Variants in FAM83G observed in about 807,000 individuals in gnomAD.
The protein encoded by FAM83G is protein FAM83G.
FAM83G carries 38 observed loss-of-function variants against 61.5 expected under a neutral mutation model. The observed-to-expected ratio is 0.62, with a 90% confidence interval of 0.48 to 0.81. FAM83G has a LOEUF of 0.81. Among genes scored for constraint, FAM83G ranks in the 30% least tolerant of loss-of-function variants. The pLI, the probability that FAM83G is intolerant of heterozygous loss-of-function variation, is 0.00. For synonymous variants in FAM83G, 470 were observed against 476.1 expected (o/e 0.99, Z 0.17); for missense variants, 989 against 1,133.6 (o/e 0.87, Z 1.83).
intron 3 of FAM83G, chr17:18,986,067 C>T (rs1161383621): frequency 6.6e-6 from 1 of 152,314 alleles, no homozygotes; most frequent in African/African-American, 2.4e-5. Context: ...GAGGTGGAAC[C>T]ACACACCCAG....
At chr17:18,976,888 T>A (rs531697809) in intron 5 of FAM83G, 1 of 1,613,646 alleles carries the variant, frequency 6.2e-7, no homozygotes, top group Non-Finnish European at 8.5e-7. Flanking sequence ...GCCCGGGACC[T>A]GAACCATGCC....
intron 2 of FAM83G, among the ~76,000 whole-genome samples, chr17:18,990,012 T>TTC (rs950759748): frequency 6.6e-6 from 1 of 152,108 alleles, no homozygotes; most frequent in Admixed American, 6.5e-5. Context: ...AGGCCTAGGG[T>TTC]TCTCTCTGTT....
At chr17:19,002,113 C>T (rs910637782) in intron 2 of FAM83G, among the ~76,000 whole-genome samples, 1 of 148,694 alleles carries the variant, frequency 6.7e-6, no homozygotes, top group Non-Finnish European at 1.5e-5. Flanking sequence ...GTCCCTTCCT[C>T]CTCCCCCTCC....
At position 19,003,497 on chromosome 17, in the gene FAM83G, C is replaced by A. The variant is rs1362571756; in HGVS notation, c.522+23G>T. On this transcript the variant is annotated intron_variant, in intron 2 of 5. Coordinates refer to ENST00000388995, the MANE Select transcript of FAM83G (RefSeq NM_001039999.3). The surrounding 1 kb of genome is among the most constrained non-coding windows in gnomAD (Gnocchi z 4.5). ...CCGGTGGCTGGTTGGGCCATGGCTC[C>A]AGGAGTCCCCGCGCTGCCTCACCTT... is the stretch of plus-strand genomic sequence containing the variant. 6.6e-7 allele frequency: 1 copy of A among 1,514,990 alleles called. No individual in the cohort carries two copies. The allele number at this position is 1,514,990 out of a possible 1,614,324, so 93.8% of individuals were successfully genotyped here. A position where few individuals can be genotyped will look rare whatever the true frequency, so the allele number is the denominator to read the frequency against.
intron 5 of FAM83G, chr17:18,976,185 C>G (rs2042973955): frequency 3.7e-5 from 1 of 27,174 alleles, no homozygotes. Context: ...AAGACTCCGA[C>G]TCAAAAAAAA....
chr17:18,980,762 C>A (rs542182320), intron 3 of FAM83G, among the ~76,000 whole-genome samples: 79 of 152,268 alleles, frequency 5.2e-4, no homozygotes, highest in African/African-American at 1.8e-3. Flanking sequence ...GGACCTGGGG[C>A]TCATCTGGCC....
At chr17:18,983,353 C>A (rs1794996907) in intron 3 of FAM83G, among the ~76,000 whole-genome samples, 1 of 152,256 alleles carries the variant, frequency 6.6e-6, no homozygotes, top group South Asian at 2.1e-4. Flanking sequence ...AGCAGGTCAA[C>A]AGCCAGTGAG....
At position 18,988,355 on chromosome 17, in the gene FAM83G, G is replaced by A. The variant is rs768019768; in HGVS notation, c.582C>T (p.Asp194=). 23 of 1,614,086 alleles carry A rather than the reference G, an allele frequency of 1.4e-5. No individual in the cohort carries two copies. The highest frequency in any genetic ancestry group is 4.5e-5 in the East Asian group (2 of 44,898). ...TDVDIFKDLL[D]AGFKRKVAVY... is the part of the protein sequence containing the mutation. ...CGGCCACTTTCCTCTTGAAGCCGGCGTCCAGCAGGTCCTTGAAGATGTCCA... is the reference window on the plus strand; with the variant it reads ...CGGCCACTTTCCTCTTGAAGCCGGCATCCAGCAGGTCCTTGAAGATGTCCA... The change falls in exon 3 of 6, where the codon GAC becomes GAT. Residue 194 remains aspartate, a synonymous_variant. Transcript: ENST00000388995.
intron 5 of FAM83G, among the ~76,000 whole-genome samples, chr17:18,975,091 A>AC (rs2042945731): frequency 6.6e-6 from 1 of 152,134 alleles, no homozygotes; most frequent in South Asian, 2.1e-4. Context: ...CAAATATCCC[A>AC]CCAATGGCAA....
intron 2 of FAM83G, among the ~76,000 whole-genome samples, chr17:18,989,966 G>A (rs890051033): frequency 1.8e-4 from 27 of 152,338 alleles, no homozygotes; most frequent in South Asian, 2.1e-4. Flanking sequence ...AGCGGACAGC[G>A]GAGGTGTGGG....
At chr17:18,993,205 C>T (rs995444345) in intron 2 of FAM83G, among the ~76,000 whole-genome samples, 4 of 152,138 alleles carry the variant, frequency 2.6e-5, no homozygotes, top group African/African-American at 7.2e-5. Context: ...TCCCTCTCCC[C>T]GACGCGTCCT....
Position 18,971,481 on chromosome 17 carries a change from C to G in FAM83G, c.2350G>C (p.Gly784Arg), listed in dbSNP as rs199997614. Residue 784 changes from glycine (G) to arginine (R), a missense_variant, in exon 6 of 6, where the codon GGA becomes CGA. This residue lies in a region of FAM83G where 574 missense variants were observed against 645.1 expected (regional missense o/e 0.89). Transcript: ENST00000388995. The surrounding 1 kb of genome is among the most constrained non-coding windows in gnomAD (Gnocchi z 5.5). ...RATEEHPSPFGIPYSKLSQSK... is the reference protein window; with the variant it reads ...RATEEHPSPFRIPYSKLSQSK... Reference sequence around the variant, plus strand: ...TGAGACAGTTTGGAGTATGGGATTCCGAAGGGACTCGGATGCTCCTCGGTG... The same window carrying G: ...TGAGACAGTTTGGAGTATGGGATTCGGAAGGGACTCGGATGCTCCTCGGTG... The G allele has an allele frequency of 4.3e-6, 7 of 1,613,892 alleles. No individual in the cohort carries two copies. Among genetic ancestry groups the G allele is most frequent in the Non-Finnish European group, 5.9e-6 (7 of 1,180,046 alleles).
chr17:18,984,514 C>T (rs1005354194), intron 3 of FAM83G, among the ~76,000 whole-genome samples: 8 of 152,324 alleles, frequency 5.3e-5, no homozygotes, highest in Admixed American at 4.6e-4. Context: ...ATCCTCACTT[C>T]CTCACCGTGT....
At chr17:18,981,557 G>A (rs950838553) in intron 3 of FAM83G, among the ~76,000 whole-genome samples, 1 of 152,252 alleles carries the variant, frequency 6.6e-6, no homozygotes, top group African/African-American at 2.4e-5. Flanking sequence ...AGAGCTGCCC[G>A]CCATGCCATC....
Position 19,003,975 on chromosome 17 carries a change from G to T in FAM83G, c.67C>A (p.Pro23Thr). Residue 23 changes from proline (P) to threonine (T), a missense_variant, in exon 2 of 6, where the codon CCT becomes ACT. Physicochemically the swap from Pro to Thr is conservative, Grantham distance 38. Coordinates refer to ENST00000388995, the MANE Select transcript of FAM83G (RefSeq NM_001039999.3). The surrounding 1 kb of genome is among the most constrained non-coding windows in gnomAD (Gnocchi z 4.5). ...HVNWRSSESK[P>T]EFFYSEEQRL... ...TGCTCCTCGCTGTAGAAGAACTCAG[G>T]CTTGGACTCGCTGGAGCGCCAGTTC... is the stretch of plus-strand genomic sequence containing the variant. The T allele has an allele frequency of 6.2e-7, 1 of 1,612,590 alleles. No homozygotes were observed. Among genetic ancestry groups the T allele is most frequent in the Non-Finnish European group, 8.5e-7 (1 of 1,179,756 alleles).
chr17:18,982,603 G>A (rs576468582), intron 3 of FAM83G, among the ~76,000 whole-genome samples: 41 of 152,332 alleles, frequency 2.7e-4, no homozygotes, highest in African/African-American at 9.1e-4. Context: ...ACGGCCGGGT[G>A]GTGCTTCATC....
At position 18,970,843 on chromosome 17, in the gene FAM83G, A is replaced by G. The variant is rs2042823379; in HGVS notation, c.*516T>C. 3.2e-6 allele frequency: 2 copies of G among 616,224 alleles called. No individual in the cohort carries two copies. Among genetic ancestry groups the G allele is most frequent in the African/African-American group, 1.8e-5 (1 of 54,078 alleles). The allele number at this position is 616,224 out of a possible 1,614,324, so 38.2% of individuals were successfully genotyped here. ...AGTCATTCAAATACACCTTAAAAAA[A>G]AAAACAACCCTCTACCCTCACACCT... On this transcript the variant is annotated 3_prime_UTR_variant, in exon 6 of 6. Transcript: ENST00000388995.
In FAM83G at chr17:19,003,662, G is replaced by T; in HGVS notation, c.380C>A (p.Ser127Tyr). 6.2e-7 allele frequency: 1 copy of T among 1,611,960 alleles called. No individual in the cohort carries two copies. Among genetic ancestry groups the T allele is most frequent in the South Asian group, 1.1e-5 (1 of 90,966 alleles). Residue 127 changes from serine to tyrosine, a missense_variant, in exon 2 of 6, where the codon TCC becomes TAC. Around this residue, in one of 3 missense-constraint regions of FAM83G, gnomAD observed 371 missense variants for 404.5 expected, o/e 0.92. Transcript: ENST00000388995. The surrounding 1 kb of genome is among the most constrained non-coding windows in gnomAD (Gnocchi z 4.5). Reference sequence around the variant, plus strand: ...CCAGCCCAGGTCCAGCTGCGGGATGGAGCGGTCCGACTTCTGGGGCCAGTA... The same window carrying T: ...CCAGCCCAGGTCCAGCTGCGGGATGTAGCGGTCCGACTTCTGGGGCCAGTA... ...LEYWPQKSDR[S>Y]IPQLDLGWPD...
At chr17:18,998,935 C>T (rs913084010) in intron 2 of FAM83G, among the ~76,000 whole-genome samples, 5 of 152,200 alleles carry the variant, frequency 3.3e-5, no homozygotes, top group African/African-American at 1.2e-4. Context: ...GAGTCCCCGT[C>T]CCAGCCCTCC....
Sources: gnomAD v4.1 joint callset for allele counts (sites outside exome capture counted in the v4.1 genomes callset) on GRCh38, gnomAD v4.1.1 for gene constraint, gnomAD v4.1.1 regional missense constraint, Gnocchi (gnomAD v3.1) non-coding constraint, MANE v1.5 for transcripts, NCBI Gene and HGNC (gene_info 2026-07-23, HGNC 2026-07-21) for gene names.